The following NPRL3 variants were observed in gnomAD, a reference collection of about 807,000 sequenced individuals.
NPRL3 encodes GATOR1 complex protein NPRL3.
NPRL3 carries 23 observed loss-of-function variants against 57.2 expected under a neutral mutation model. The ratio of observed to expected loss-of-function variants is 0.40; its 90% CI spans 0.29 to 0.57. The LOEUF is 0.57. Among genes scored for constraint, NPRL3 ranks in the 20% least tolerant of loss-of-function variants. The pLI, the probability that NPRL3 is intolerant of heterozygous loss-of-function variation, is 0.42. For synonymous variants in NPRL3, 333 were observed against 321.1 expected (o/e 1.04, Z -0.39); for missense variants, 691 against 767.1 (o/e 0.90, Z 1.17).
At chr16:120,674 T>A (rs988928926) in intron 3 of NPRL3, among the ~76,000 whole-genome samples, 1 of 152,196 alleles carries the variant, frequency 6.6e-6, no homozygotes, top group African/African-American at 2.4e-5. Flanking sequence ...CAGGTTGCAG[T>A]TGGACCTTCT....
At chr16:115,722 G>A (rs1900002590) in intron 5 of NPRL3, among the ~76,000 whole-genome samples, 1 of 152,172 alleles carries the variant, frequency 6.6e-6, no homozygotes, top group Admixed American at 6.5e-5. Context: ...CTGATCTCAG[G>A]TGATCCGCCC....
rs571203221 is a variant in NPRL3 at position 119,376 on chromosome 16, G to A, written c.189-121C>T. ...CACCTTCATGGAGTTGCTCTGCCCCGACTGCTGGTGGAAGCTACTAACAGT... is the reference window on the plus strand; with the variant it reads ...CACCTTCATGGAGTTGCTCTGCCCCAACTGCTGGTGGAAGCTACTAACAGT... On this transcript the variant is annotated intron_variant, in intron 3 of 13. Coordinates refer to ENST00000611875, the MANE Select transcript of NPRL3 (RefSeq NM_001077350.3). 2.2e-4 allele frequency: 205 copies of A among 946,844 alleles called. No individual in the cohort carries two copies. In the South Asian group the frequency reaches 2.6e-3, roughly 12 times the overall value. 58.7% of individuals were successfully genotyped at this position (946,844 alleles called of 1,614,324 possible). A position where few individuals can be genotyped will look rare whatever the true frequency, so the allele number is the denominator to read the frequency against.
At chr16:111,165 C>T (rs776581593) in intron 6 of NPRL3, among the ~76,000 whole-genome samples, 36 of 151,948 alleles carry the variant, frequency 2.4e-4, no homozygotes, top group South Asian at 1.7e-3. Context: ...TTTGGGAGGC[C>T]GAGGCAGGCG....
intron 3 of NPRL3, among the ~76,000 whole-genome samples, chr16:122,953 G>A (rs184073670): frequency 2.6e-5 from 4 of 152,250 alleles, no homozygotes; most frequent in East Asian, 3.9e-4. Flanking sequence ...TGGAAGAGTC[G>A]CCCGTCATCC....
At chr16:88,254 G>A (rs369508386) in intron 13 of NPRL3, among the ~76,000 whole-genome samples, 117 of 152,272 alleles carry the variant, frequency 7.7e-4, no homozygotes, top group African/African-American at 2.7e-3. Flanking sequence ...GGTGGCGGGC[G>A]CCTGTAGTCC....
At chr16:118,774 T>C (rs1900153534) in intron 4 of NPRL3, among the ~76,000 whole-genome samples, 1 of 152,246 alleles carries the variant, frequency 6.6e-6, no homozygotes. Context: ...AGAGCCAGAA[T>C]GGACCAGGCC....
At chr16:97,920 G>A (rs965828240) in intron 9 of NPRL3, among the ~76,000 whole-genome samples, 1 of 152,132 alleles carries the variant, frequency 6.6e-6, no homozygotes, top group Non-Finnish European at 1.5e-5. Flanking sequence ...TGAGACAGAA[G>A]AACAAGTCAG....
chr16:131,881 T>A (rs1900822619), intron 2 of NPRL3, among the ~76,000 whole-genome samples: 1 of 152,210 alleles, frequency 6.6e-6, no homozygotes, highest in African/African-American at 2.4e-5. Flanking sequence ...AGCAATGCTC[T>A]CAAACTGTAC....
In NPRL3 at chr16:138,020, A is replaced by AG. The variant is rs1901190584; in HGVS notation, c.118+129_118+130insC. The AG allele has an allele frequency of 1.1e-5, 7 of 659,526 alleles. No homozygotes were observed. The South Asian group carries it at 1.4e-4, about 13-fold the overall frequency. 40.9% of individuals were successfully genotyped at this position (659,526 alleles called of 1,614,324 possible). A position where few individuals can be genotyped will look rare whatever the true frequency, so the allele number is the denominator to read the frequency against. ...TTTTTTTTTCCTTTTTCTACTTTTCAAATACTCTACAACGAGCAGATCTCG... is the reference window on the plus strand; with the variant it reads ...TTTTTTTTTCCTTTTTCTACTTTTCAGAATACTCTACAACGAGCAGATCTCG... On this transcript the variant is annotated intron_variant, in intron 2 of 13. Transcript: ENST00000611875.
rs367648016 is a variant in NPRL3, at chr16:85,595, G to A, written c.*1110C>T. On this transcript the variant is annotated 3_prime_UTR_variant, in exon 14 of 14. Transcript: ENST00000611875. ...CTTTGACCAGAGGGACCTGGCACAG[G>A]ATGAAGCTGTATGGCTGGAGCGTGG... is the stretch of plus-strand genomic sequence containing the variant. The A allele has an allele frequency of 6.2e-7, 1 of 1,612,060 alleles. No homozygotes were observed. The highest frequency in any genetic ancestry group is 8.5e-7 in the Non-Finnish European group (1 of 1,179,010).
At chr16:107,880 A>C (rs1386744186) in intron 7 of NPRL3, among the ~76,000 whole-genome samples, 3 of 152,240 alleles carry the variant, frequency 2.0e-5, no homozygotes, top group African/African-American at 7.2e-5. Context: ...ATCTAATCCG[A>C]GTTGAGGCAT....
In NPRL3 at chr16:112,697, G is replaced by A. The variant is rs775239262; in HGVS notation, c.472C>T (p.Arg158Cys). 9 of 1,610,856 alleles carry A rather than the reference G, an allele frequency of 5.6e-6. No individual in the cohort carries two copies. Among genetic ancestry groups the A allele is most frequent in the South Asian group, 1.1e-5 (1 of 90,526 alleles). Reference sequence around the variant, plus strand: ...TCCCGGGTGAGGTACTGGCAGCGGCGCTCCTCGTGCTGCAGCACGGTGGCG... The same window carrying A: ...TCCCGGGTGAGGTACTGGCAGCGGCACTCCTCGTGCTGCAGCACGGTGGCG... ...RIATVLQHEE[R>C]RCQYLTREAK... Residue 158 changes from arginine to cysteine, a missense_variant, in exon 6 of 14, where the codon CGC (arginine) becomes TGC (cysteine). Transcript: ENST00000611875.
rs1269886749 is a variant in NPRL3 at position 98,280 on chromosome 16, C to T, written c.789G>A (p.Leu263=). ...KAIRPYHALL[L]LSDEKSLLGE... is the part of the protein sequence containing the mutation. ...CCAGCAAGGACTTCTCATCACTGAG[C>T]AGCAGCAGGGCATGGTAGGGGCTGC... Residue 263 remains leucine (L), a synonymous_variant, in exon 9 of 14, where the codon CTG becomes CTA. Transcript: ENST00000611875. 6.2e-7 allele frequency: 1 copy of T among 1,613,846 alleles called. No individual in the cohort carries two copies. Among genetic ancestry groups the T allele is most frequent in the Admixed American group, 1.7e-5 (1 of 60,014 alleles).
chr16:129,935 A>AGAAGT (rs1254002029), intron 3 of NPRL3, among the ~76,000 whole-genome samples: 1 of 152,202 alleles, frequency 6.6e-6, no homozygotes, highest in Non-Finnish European at 1.5e-5. Flanking sequence ...AACAGAAGGC[A>AGAAGT]GAAGTGGTCA....
At chr16:133,980 G>A (rs1232132951) in intron 2 of NPRL3, among the ~76,000 whole-genome samples, 1 of 152,200 alleles carries the variant, frequency 6.6e-6, no homozygotes, top group Non-Finnish European at 1.5e-5. Flanking sequence ...GCTATCTTAT[G>A]TGGACATGGT....
chr16:118,925 CCTGCCCAGGGGAAGCCACAT>C (rs1014216845), intron 4 of NPRL3, among the ~76,000 whole-genome samples, 181 bp downstream of exon 4: 4 of 144,406 alleles, frequency 2.8e-5, no homozygotes, highest in African/African-American at 5.2e-5. Flanking sequence ...AGGGTCTGTA[CCTGCCCAGGGGAAGCCACAT>C]CTGCCCAGGG....
chr16:119,530 G>C, intron 3 of NPRL3: 1 of 457,246 alleles, frequency 2.2e-6, no homozygotes, highest in Non-Finnish European at 4.0e-6. Context: ...ATTCAGGAGA[G>C]AAACAGTTGC....
chr16:119,046 C>T lies in NPRL3; in HGVS notation c.318+80G>A, dbSNP rs540037483. 16 of 1,580,966 alleles carry T rather than the reference C, an allele frequency of 1.0e-5. No individual in the cohort carries two copies. The African/African-American group carries it at 1.8e-4, about 17-fold the overall frequency. On this transcript the variant is annotated intron_variant, in intron 4 of 13. Coordinates refer to ENST00000611875, the MANE Select transcript of NPRL3 (RefSeq NM_001077350.3). ...CACACCTGCCCAAGGAGAGCCACAC[C>T]TGCCCAAGGAGAGCCACACCTGCCC...
chr16:131,704 T>G (rs1400496879), intron 2 of NPRL3, among the ~76,000 whole-genome samples: 1 of 151,960 alleles, frequency 6.6e-6, no homozygotes, highest in East Asian at 1.9e-4. Flanking sequence ...GTTGACTGAT[T>G]AGAGTGGTAC....
Sources: gnomAD v4.1 joint callset for allele counts (sites outside exome capture counted in the v4.1 genomes callset) on GRCh38, gnomAD v4.1.1 for gene constraint, MANE v1.5 for transcripts, NCBI Gene and HGNC (gene_info 2026-07-23, HGNC 2026-07-21) for gene names.